The following ANKRD30BL variants were observed in gnomAD, a reference collection of about 807,000 sequenced individuals.
ANKRD30BL encodes putative ankyrin repeat domain-containing protein 30B-like.
In ANKRD30BL, 20 loss-of-function variants were observed where a neutral mutation model predicts 18.4. The observed-to-expected ratio is 1.09, with a 90% CI of 0.77 to 1.58. The LOEUF is 1.58. Among genes scored for constraint, ANKRD30BL ranks in the 40% most tolerant of loss-of-function variants. The pLI is 0.00. For synonymous variants in ANKRD30BL, 72 were observed against 100.9 expected (o/e 0.71, Z 1.72); for missense variants, 224 against 268.6 (o/e 0.83, Z 1.16).
At chr2:132,200,213 A>G (rs1351229168) in intron 1 of ANKRD30BL, among the ~76,000 whole-genome samples, 3 of 151,728 alleles carry the variant, frequency 2.0e-5, no homozygotes, top group Non-Finnish European at 4.4e-5. Context: ...AACTGGAAGC[A>G]TTCCCTTTGA....
intron 1 of ANKRD30BL, among the ~76,000 whole-genome samples, chr2:132,174,359 T>A (rs1688328299): frequency 6.6e-6 from 1 of 152,194 alleles, no homozygotes; most frequent in South Asian, 2.1e-4. Context: ...GAGAGGCAAC[T>A]GCAAGTTAAT....
chr2:132,238,090 A>C (rs1037134100), intron 1 of ANKRD30BL, among the ~76,000 whole-genome samples: 3 of 152,030 alleles, frequency 2.0e-5, no homozygotes, highest in African/African-American at 7.2e-5. Flanking sequence ...GCAAGTGGAC[A>C]TTTAGTGCGA....
intron 4 of ANKRD30BL, 118 bp from the exon 5 acceptor site, chr2:132,151,094 T>TTA (rs1180417850): frequency 7.6e-6 from 3 of 393,578 alleles, no homozygotes; most frequent in Non-Finnish European, 1.4e-5. Context: ...CATCAGAACA[T>TTA]TACTTTTTCC....
At chr2:132,220,294 C>T (rs1027512681) in intron 1 of ANKRD30BL, among the ~76,000 whole-genome samples, 8 of 146,476 alleles carry the variant, frequency 5.5e-5, no homozygotes, top group Admixed American at 2.8e-4. Flanking sequence ...CTCCCTCTCC[C>T]TCTCCCTGTC....
intron 1 of ANKRD30BL, among the ~76,000 whole-genome samples, chr2:132,236,477 T>C (rs867774767): frequency 3.3e-5 from 5 of 151,978 alleles, no homozygotes; most frequent in African/African-American, 7.2e-5. Flanking sequence ...CATGAACACA[T>C]ACTTCTCAAA....
At chr2:132,207,328 C>T (rs1330853829) in intron 1 of ANKRD30BL, among the ~76,000 whole-genome samples, 11 of 151,874 alleles carry the variant, frequency 7.2e-5, no homozygotes, top group Admixed American at 7.2e-4. Flanking sequence ...TGGCATTTAC[C>T]TGAGATTAAA....
At chr2:132,194,229 G>C (rs1322713659) in intron 1 of ANKRD30BL, among the ~76,000 whole-genome samples, 3 of 152,156 alleles carry the variant, frequency 2.0e-5, no homozygotes, top group African/African-American at 7.2e-5. Context: ...GTTCCCCTTG[G>C]AAAAGAGAGG....
intron 1 of ANKRD30BL, among the ~76,000 whole-genome samples, chr2:132,200,188 T>C (rs894950111): frequency 1.3e-5 from 2 of 151,746 alleles, no homozygotes; most frequent in Non-Finnish European, 2.9e-5. Context: ...GCCAATATCA[T>C]ACTGAATGGG....
chr2:132,225,345 C>A (rs62166063), intron 1 of ANKRD30BL, among the ~76,000 whole-genome samples: 7 of 152,026 alleles, frequency 4.6e-5, no homozygotes, highest in Non-Finnish European at 8.8e-5. Flanking sequence ...TAGAGAGAAG[C>A]ATTCTCAGAA....
intron 1 of ANKRD30BL, among the ~76,000 whole-genome samples, chr2:132,238,614 C>T (rs150994647): frequency 6.6e-6 from 1 of 151,288 alleles, no homozygotes; most frequent in South Asian, 2.1e-4. Context: ...AAAAGGAAAT[C>T]TCTTCCCATA....
intron 1 of ANKRD30BL, among the ~76,000 whole-genome samples, chr2:132,177,396 C>T (rs1322743868): frequency 2.6e-5 from 4 of 152,126 alleles, no homozygotes; most frequent in African/African-American, 9.7e-5. Flanking sequence ...TCATTATCTG[C>T]CCACCTCGGC....
At chr2:132,235,790 T>C (rs185587608) in intron 1 of ANKRD30BL, among the ~76,000 whole-genome samples, 1,657 of 152,154 alleles carry the variant, frequency 0.011, 28 homozygotes, top group African/African-American at 0.038. Flanking sequence ...TTCAATGCCT[T>C]CCCCATCAAG....
At chr2:132,237,355 C>T (rs138580238) in intron 1 of ANKRD30BL, among the ~76,000 whole-genome samples, 1 of 151,858 alleles carries the variant, frequency 6.6e-6, no homozygotes, top group Non-Finnish European at 1.5e-5. Flanking sequence ...TAAAACTTTC[C>T]TTTGATACAG....
At chr2:132,242,839 C>T (rs1488556549) in intron 1 of ANKRD30BL, among the ~76,000 whole-genome samples, 1 of 150,486 alleles carries the variant, frequency 6.6e-6, no homozygotes, top group South Asian at 2.1e-4. Context: ...CTGCAAGTGG[C>T]CATTTTGTGC....
chr2:132,242,841 A>G (rs1172890551), intron 1 of ANKRD30BL, among the ~76,000 whole-genome samples: 1 of 151,710 alleles, frequency 6.6e-6, no homozygotes, highest in African/African-American at 2.4e-5. Flanking sequence ...GCAAGTGGCC[A>G]TTTTGTGCGA....
chr2:132,237,294 A>G (rs1680176126), intron 1 of ANKRD30BL, among the ~76,000 whole-genome samples: 1 of 152,076 alleles, frequency 6.6e-6, no homozygotes, highest in Admixed American at 6.6e-5. Context: ...TAAAAAGTAG[A>G]CAGAAGCATT....
At chr2:132,217,812 T>A (rs866426394) in intron 1 of ANKRD30BL, among the ~76,000 whole-genome samples, 18 of 151,550 alleles carry the variant, frequency 1.2e-4, no homozygotes, top group Middle Eastern at 3.4e-3. Flanking sequence ...TCTCAGAAAC[T>A]TTTTTGTGAT....
Position 132,201,507 on chromosome 2 carries a change from A to G in ANKRD30BL, n.442-44361T>C, listed in dbSNP as rs901294282. On this transcript the variant is annotated intron_variant and non_coding_transcript_variant, in intron 1 of 4. Transcript: ENST00000470729. The stretch of plus-strand genomic sequence containing the variant: ...GACATGAACAGACACTTCTCAAAAG[A>G]AGACATTTATGCAGGCAAAAAACAC... Among the ~76,000 whole-genome samples, 13 of 152,256 alleles carry G rather than the reference A, an allele frequency of 8.5e-5. No individual in the cohort carries two copies. In the South Asian group the frequency reaches 1.4e-3, roughly 17 times the overall value.
At chr2:132,236,568 C>T (rs1385638681) in intron 1 of ANKRD30BL, among the ~76,000 whole-genome samples, 1 of 152,132 alleles carries the variant, frequency 6.6e-6, no homozygotes, top group Admixed American at 6.6e-5. Flanking sequence ...ATCAAAACCA[C>T]AATGAGATAC....
Sources: gnomAD v4.1 joint callset for allele counts (sites outside exome capture counted in the v4.1 genomes callset) on GRCh38, gnomAD v4.1.1 for gene constraint, MANE v1.5 for transcripts, NCBI Gene and HGNC (gene_info 2026-07-23, HGNC 2026-07-21) for gene names.